Variants in CDH17 observed in about 807,000 individuals in gnomAD.
The protein encoded by CDH17 is cadherin 17, also known as cadherin-17.
CDH17 carries 67 observed loss-of-function variants against 86.3 expected under a neutral mutation model. That is an observed-to-expected ratio of 0.78 (90% confidence interval 0.64 to 0.95). CDH17 has a LOEUF of 0.95. CDH17 is among the 40% of genes least tolerant of loss of function. The pLI is 0.00. For missense variants in CDH17, 993 were observed against 1,017.6 expected (o/e 0.98, Z 0.33); for synonymous variants, 367 against 366.4 (o/e 1.00, Z -0.02).
At chr8:94,133,195 G>A (rs909903554) in intron 15 of CDH17, among the ~76,000 whole-genome samples, 1 of 152,096 alleles carries the variant, frequency 6.6e-6, no homozygotes, top group African/African-American at 2.4e-5. Context: ...TTCTAATTCT[G>A]TGAAGAAGGT....
At chr8:94,139,533 C>G (rs1812594719) in intron 15 of CDH17, among the ~76,000 whole-genome samples, 1 of 152,116 alleles carries the variant, frequency 6.6e-6, no homozygotes, top group African/African-American at 2.4e-5. Context: ...CATCAAATTA[C>G]TTAAAAGTAA....
chr8:94,178,493 T>G (rs1326739976), intron 3 of CDH17, among the ~76,000 whole-genome samples: 1 of 152,130 alleles, frequency 6.6e-6, no homozygotes, highest in African/African-American at 2.4e-5. Flanking sequence ...TAAGGAAATA[T>G]TTCTTCAAAC....
intron 11 of CDH17, among the ~76,000 whole-genome samples, chr8:94,161,023 A>G (rs1021366053): frequency 2.6e-5 from 4 of 152,198 alleles, no homozygotes; most frequent in Admixed American, 6.5e-5. Flanking sequence ...GATCCTAAAG[A>G]AGGTTATAAG....
At chr8:94,178,117 C>T (rs1455620454) in intron 3 of CDH17, among the ~76,000 whole-genome samples, 6 of 152,098 alleles carry the variant, frequency 3.9e-5, no homozygotes, top group Admixed American at 1.3e-4. Flanking sequence ...TTAATAGACA[C>T]GTTAATGTTA....
chr8:94,177,638 C>T lies in CDH17; in HGVS notation c.234G>A (p.Leu78=), dbSNP rs759111822. 1.1e-5 allele frequency: 17 copies of T among 1,613,708 alleles called. No homozygotes were observed. The highest frequency in any genetic ancestry group is 1.4e-5 in the Non-Finnish European group (16 of 1,179,790). The stretch of plus-strand genomic sequence containing the variant: ...CCCTGTCCAAGGCTCTGTTGTAATA[C>T]AGAAGTCCCTCCCGTTCTATCACAA... ...NIFVIEREGL[L]YYNRALDRET... Residue 78 remains leucine (L), a synonymous_variant, in exon 4 of 18, where the codon CTG becomes CTA. Transcript: ENST00000027335.
Position 94,128,161 on chromosome 8 carries a change from T to C in CDH17, c.*79A>G, listed in dbSNP as rs531122199. ...TCTGTTTAAAAAATTATAATGCACGTTAGATGAAAAGTAATAGGATGAGAT... is the reference window on the plus strand; with the variant it reads ...TCTGTTTAAAAAATTATAATGCACGCTAGATGAAAAGTAATAGGATGAGAT... On this transcript the variant is annotated 3_prime_UTR_variant, in exon 18 of 18. Transcript: ENST00000027335. 26 of 868,068 alleles carry C rather than the reference T, an allele frequency of 3.0e-5. No homozygotes were observed. The highest frequency in any genetic ancestry group is 2.8e-4 in the African/African-American group (17 of 59,886). 53.8% of individuals were successfully genotyped at this position (868,068 alleles called of 1,614,324 possible).
intron 1 of CDH17, chr8:94,202,825 A>T (rs1198464249): frequency 5.7e-6 from 1 of 175,552 alleles, no homozygotes; most frequent in East Asian, 1.5e-4. Context: ...GATTCTTTTC[A>T]ATCTTGGGTT....
chr8:94,196,309 T>C (rs929923457), intron 1 of CDH17, among the ~76,000 whole-genome samples: 1 of 152,230 alleles, frequency 6.6e-6, no homozygotes, highest in Non-Finnish European at 1.5e-5. Context: ...CTTTAAAGGG[T>C]AAAAATGCTA....
chr8:94,158,232 A>G (rs905087726), intron 12 of CDH17, among the ~76,000 whole-genome samples: 3 of 152,206 alleles, frequency 2.0e-5, no homozygotes, highest in Non-Finnish European at 4.4e-5. Flanking sequence ...GCCAGGAGAC[A>G]TAATAGACAC....
chr8:94,151,762 T>C, intron 13 of CDH17, 106 bp downstream of exon 13: 2 of 1,418,842 alleles, frequency 1.4e-6, no homozygotes, highest in Non-Finnish European at 1.9e-6. Context: ...CATTGCTGGG[T>C]ATGCTGTGAG....
chr8:94,177,838 T>A, intron 3 of CDH17, 117 bp from the exon 4 acceptor site: 4 of 933,282 alleles, frequency 4.3e-6, no homozygotes, highest in Non-Finnish European at 6.4e-6. Context: ...AAATAAGAAA[T>A]CCTCAACTTT....
chr8:94,155,059 G>A (rs995576005), intron 12 of CDH17, among the ~76,000 whole-genome samples: 10 of 152,016 alleles, frequency 6.6e-5, no homozygotes, highest in African/African-American at 1.5e-4. Context: ...GTGAAGACTC[G>A]GGGTTGAGAA....
chr8:94,191,681 T>C (rs34689002), intron 2 of CDH17, among the ~76,000 whole-genome samples: 55,662 of 151,954 alleles, frequency 0.37, 11,319 homozygotes, highest in Non-Finnish European at 0.48. Flanking sequence ...CTCGAACTCC[T>C]GACCTCAGGT....
chr8:94,210,998 C>A (rs960441132), upstream of CDH17, among the ~76,000 whole-genome samples: 3 of 147,540 alleles, frequency 2.0e-5, no homozygotes, highest in Non-Finnish European at 4.5e-5. Flanking sequence ...TCCAGCCTAG[C>A]CGACAGAGCA....
chr8:94,178,207 T>C (rs1813410701), intron 3 of CDH17, among the ~76,000 whole-genome samples: 1 of 152,114 alleles, frequency 6.6e-6, no homozygotes, highest in African/African-American at 2.4e-5. Flanking sequence ...GTGGAGAAAA[T>C]ACCGACCACC....
At position 94,130,671 on chromosome 8, in the gene CDH17, C is replaced by G; in HGVS notation, c.2353G>C (p.Val785Leu). ...AGCAGTATACCAACTGCCATGCCCA[C>G]AGTGGGTATCCCAGTCTGGTGACCT... ...PAGHQTGIPT[V>L]GMAVGILLTT... Residue 785 changes from valine (V) to leucine (L), a missense_variant, in exon 17 of 18, where the codon GTG becomes CTG. Coordinates refer to ENST00000027335, the MANE Select transcript of CDH17 (RefSeq NM_004063.4). 2 of 1,613,940 alleles carry G rather than the reference C, an allele frequency of 1.2e-6. No individual in the cohort carries two copies. Among genetic ancestry groups the G allele is most frequent in the South Asian group, 1.1e-5 (1 of 91,052 alleles).
chr8:94,168,123 T>C (rs1208426447), intron 9 of CDH17, among the ~76,000 whole-genome samples: 1 of 54,820 alleles, frequency 1.8e-5, no homozygotes, highest in African/African-American at 7.0e-5. Flanking sequence ...TATATATATA[T>C]ATATATATAT....
intron 12 of CDH17, among the ~76,000 whole-genome samples, chr8:94,152,772 A>T (rs1381579920): frequency 6.6e-6 from 1 of 152,174 alleles, no homozygotes; most frequent in Non-Finnish European, 1.5e-5. Flanking sequence ...TCTGTTGAGG[A>T]CTTTGTGCTG....
chr8:94,195,299 G>A (rs949635638), intron 1 of CDH17, among the ~76,000 whole-genome samples: 7 of 152,150 alleles, frequency 4.6e-5, no homozygotes, highest in African/African-American at 7.2e-5. Context: ...CCAGCAATGA[G>A]TATTCCTTTC....
Sources: allele counts gnomAD v4.1 joint callset (sites outside exome capture counted in the v4.1 genomes callset), GRCh38; gene constraint gnomAD v4.1.1; transcripts MANE v1.5; gene names NCBI Gene and HGNC (gene_info 2026-07-23, HGNC 2026-07-21).